Variants in CRY2 observed in about 807,000 individuals in gnomAD.
CRY2 encodes the protein cryptochrome circadian regulator 2, also known as cryptochrome-2.
Under a neutral mutation model 69.5 loss-of-function variants are expected in CRY2, and 31 were observed. That is an observed-to-expected ratio of 0.45 (90% confidence interval 0.34 to 0.60). CRY2 has a LOEUF of 0.60. Ranked by LOEUF, CRY2 falls within the 20% of genes least tolerant of loss-of-function variation. The probability of loss-of-function intolerance (pLI) is 0.02; values close to 1 mark genes in which losing one functional copy is unlikely to be tolerated. For missense variants in CRY2, 606 were observed against 797.8 expected, an observed-to-expected ratio of 0.76 and a Z score of 2.90; for synonymous variants, 303 against 312.2, an observed-to-expected ratio of 0.97 and a Z score of 0.31.
chr11:45,872,022 T>C, intron 10 of CRY2, 70 bp from the exon 11 acceptor site: 1 of 1,582,776 alleles, frequency 6.3e-7, no homozygotes. Flanking sequence ...AAAGAGCTGC[T>C]GCTGCATAGT....
intron 3 of CRY2, among the ~76,000 whole-genome samples, chr11:45,859,895 G>T (rs1273827362): frequency 6.6e-6 from 1 of 152,168 alleles, no homozygotes; most frequent in Non-Finnish European, 1.5e-5. Context: ...CGTGAGCCGG[G>T]CCCTCAGGAG....
chr11:45,870,231 C>T, intron 8 of CRY2, 27 bp downstream of exon 8: 1 of 1,609,746 alleles, frequency 6.2e-7, no homozygotes, highest in African/African-American at 1.3e-5. Context: ...GGCTCTCTGG[C>T]CTCTGACCAC....
At chr11:45,867,561 C>T (rs562036662) in intron 5 of CRY2, 51 bp from the exon 6 acceptor site, 3 of 1,602,268 alleles carry the variant, frequency 1.9e-6, no homozygotes, top group Admixed American at 3.4e-5. Flanking sequence ...TCCATTTTTT[C>T]CTCTGTTACA....
At chr11:45,864,594 C>T (rs1590766965) in intron 5 of CRY2, among the ~76,000 whole-genome samples, 1 of 146,800 alleles carries the variant, frequency 6.8e-6, no homozygotes, top group Non-Finnish European at 1.5e-5. Context: ...AGTGGGGTCT[C>T]AGAAATAAAA....
intron 1 of CRY2, among the ~76,000 whole-genome samples, chr11:45,855,172 C>G (rs1417107644): frequency 6.6e-6 from 1 of 150,786 alleles, no homozygotes; most frequent in Non-Finnish European, 1.5e-5. Flanking sequence ...CCCACCCCCA[C>G]AAAAATGTGA....
chr11:45,854,657 C>G (rs1260223509), intron 1 of CRY2, among the ~76,000 whole-genome samples: 3 of 152,098 alleles, frequency 2.0e-5, no homozygotes, highest in African/African-American at 7.2e-5. Context: ...CCACTGCACT[C>G]CAGCCTGGGC....
At chr11:45,853,988 T>C (rs896338291) in intron 1 of CRY2, among the ~76,000 whole-genome samples, 1 of 152,260 alleles carries the variant, frequency 6.6e-6, no homozygotes, top group African/African-American at 2.4e-5. Flanking sequence ...AGGCCAGGGC[T>C]CAGCCCATGC....
In CRY2 at chr11:45,868,558, A is replaced by G. The variant is rs144877298; in HGVS notation, c.882+806A>G. On this transcript the variant is annotated intron_variant, in intron 6 of 11. Transcript: ENST00000616080. ...GGTCTCGAACTCCTGGGCACAAGCA[A>G]TTGTCCTGCCTTGGCCTCCCACAGT... Among the ~76,000 whole-genome samples, 734 of 152,168 alleles carry G rather than the reference A, an allele frequency of 4.8e-3. 27 individuals are homozygous for G. The South Asian group carries it at 0.092, about 19-fold the overall frequency.
rs745847440 is a variant in CRY2, at chr11:45,872,283, G to A, written c.*2+50G>A. 3.2e-6 allele frequency: 5 copies of A among 1,560,340 alleles called. No individual in the cohort carries two copies. The South Asian group carries it at 3.4e-5, about 11-fold the overall frequency. On this transcript the variant is annotated intron_variant, in intron 11 of 11. Transcript: ENST00000616080. The stretch of plus-strand genomic sequence containing the variant: ...ACCTCAGGAAGGAAGTTGGGAGTGG[G>A]GGGGCCTACTGCCCTGCCAGCTGCA...
chr11:45,866,305 T>C (rs1346276774), intron 5 of CRY2, among the ~76,000 whole-genome samples: 5 of 152,224 alleles, frequency 3.3e-5, no homozygotes, highest in South Asian at 4.1e-4. Flanking sequence ...CTGGGAGCCA[T>C]GGGCCTGGAT....
At chr11:45,867,026 T>A (rs997033064) in intron 5 of CRY2, among the ~76,000 whole-genome samples, 3 of 151,960 alleles carry the variant, frequency 2.0e-5, no homozygotes, top group African/African-American at 7.3e-5. Flanking sequence ...GAAAGTAAAG[T>A]CCTATGCCAG....
intron 10 of CRY2, among the ~76,000 whole-genome samples, chr11:45,871,380 C>T (rs1190642509): frequency 6.6e-6 from 1 of 152,122 alleles, no homozygotes; most frequent in Non-Finnish European, 1.5e-5. Flanking sequence ...GAGATGAGGA[C>T]AAGATACAGC....
At chr11:45,872,508 A>G (rs1446788473) in intron 11 of CRY2, among the ~76,000 whole-genome samples, 1 of 152,094 alleles carries the variant, frequency 6.6e-6, no homozygotes, top group Non-Finnish European at 1.5e-5. Context: ...TGGGAGGCCA[A>G]GGTGGGAGGA....
intron 3 of CRY2, among the ~76,000 whole-genome samples, chr11:45,860,400 A>C (rs1160858837): frequency 6.6e-6 from 1 of 151,868 alleles, no homozygotes; most frequent in Non-Finnish European, 1.5e-5. Flanking sequence ...AAAAAAAAAA[A>C]AAAAAACATG....
chr11:45,856,693 G>A (rs958371632), intron 2 of CRY2, among the ~76,000 whole-genome samples: 1 of 152,034 alleles, frequency 6.6e-6, no homozygotes, highest in Admixed American at 6.6e-5. Flanking sequence ...CTACTCGAGA[G>A]GCTGAGGCAG....
Position 45,869,603 on chromosome 11 carries a change from G to T in CRY2, c.980G>T (p.Arg327Leu), listed in dbSNP as rs777311984. Reference sequence around the variant, plus strand: ...GCTACCAACAACCCCAGGTTTGACCGCATGGAGGGGAACCCCATCTGCATC... The same window carrying T: ...GCTACCAACAACCCCAGGTTTGACCTCATGGAGGGGAACCCCATCTGCATC... The part of the protein sequence containing the change: ...TAATNNPRFD[R>L]MEGNPICIQI... Residue 327 changes from arginine to leucine, a missense_variant, in exon 7 of 12, where the codon CGC becomes CTC. Physicochemically the swap from Arg to Leu is moderately radical, Grantham distance 102. Transcript: ENST00000616080. 1 of 1,614,242 alleles carries T rather than the reference G, an allele frequency of 6.2e-7. No individual in the cohort carries two copies. Among genetic ancestry groups the T allele is most frequent in the Admixed American group, 1.7e-5 (1 of 60,032 alleles).
intron 1 of CRY2, 132 bp downstream of exon 1, chr11:45,847,837 TA>T (rs2086163901): frequency 8.0e-7 from 1 of 1,255,512 alleles, no homozygotes; most frequent in Non-Finnish European, 1.1e-6. Context: ...ACCGGGGAAG[TA>T]ATTCGTCATG....
At chr11:45,867,433 C>T in intron 5 of CRY2, 179 bp from the exon 6 acceptor site, 2 of 677,412 alleles carry the variant, frequency 3.0e-6, no homozygotes, top group South Asian at 2.0e-5. Flanking sequence ...ATGACATAGA[C>T]TCGTTGTTTG....
At chr11:45,854,270 A>G (rs1391710843) in intron 1 of CRY2, among the ~76,000 whole-genome samples, 1 of 152,216 alleles carries the variant, frequency 6.6e-6, no homozygotes, top group East Asian at 1.9e-4. Flanking sequence ...AGAAGAAGAT[A>G]AGAATGCCAG....
Sources: allele counts gnomAD v4.1 joint callset (sites outside exome capture counted in the v4.1 genomes callset), GRCh38; gene constraint gnomAD v4.1.1; transcripts MANE v1.5; gene names NCBI Gene and HGNC (gene_info 2026-07-23, HGNC 2026-07-21).